Variants in SH3TC1 observed in about 807,000 individuals in gnomAD.
SH3TC1 encodes the protein SH3 domain and tetratricopeptide repeats 1.
A neutral mutation model predicts 117.3 loss-of-function variants in SH3TC1; 135 were observed. That is an observed-to-expected ratio of 1.15 (90% CI 1.00 to 1.33). The LOEUF (loss-of-function observed/expected upper bound fraction) is 1.33. Among genes scored for constraint, SH3TC1 ranks in the 40% most tolerant of loss-of-function variants. The pLI is 0.00. For synonymous variants in SH3TC1, 898 were observed against 816.9 expected, an observed-to-expected ratio of 1.10 and a Z score of -1.69; for missense variants, 2,092 against 1,794.3, an observed-to-expected ratio of 1.17 and a Z score of -3.00.
chr4:8,215,947 C>T (rs1719223881), intron 5 of SH3TC1, among the ~76,000 whole-genome samples, 164 bp from the exon 6 acceptor site: 1 of 152,084 alleles, frequency 6.6e-6, no homozygotes, highest in Non-Finnish European at 1.5e-5. Context: ...CCGTGGGCTG[C>T]TGTGTGTAGC....
At chr4:8,197,172 G>A (rs1353697555), upstream of SH3TC1, among the ~76,000 whole-genome samples, 1 of 152,144 alleles carries the variant, frequency 6.6e-6, no homozygotes, top group African/African-American at 2.4e-5. Context: ...GGAGACAAGG[G>A]CAAAGACTGG....
chr4:8,237,186 G>T (rs1721897690), intron 16 of SH3TC1: 1 of 371,282 alleles, frequency 2.7e-6, no homozygotes, highest in Non-Finnish European at 4.8e-6. Context: ...TGGGCTGCAT[G>T]CCTTTTGGGC....
Position 8,222,882 on chromosome 4 carries a change from C to A in SH3TC1, c.1155C>A (p.Phe385Leu), listed in dbSNP as rs1366737599. The A allele has an allele frequency of 1.2e-6, 2 of 1,613,632 alleles. No individual in the cohort carries two copies. The highest frequency in any genetic ancestry group is 1.3e-5 in the African/African-American group (1 of 74,916). ...AIFLNEEEKS[F>L]FSEGCFSEED... ...TTCTCAATGAGGAAGAAAAGTCATTCTTCAGCGAGGGCTGCTTTTCTGAGG... is the reference window on the plus strand; with the variant it reads ...TTCTCAATGAGGAAGAAAAGTCATTATTCAGCGAGGGCTGCTTTTCTGAGG... Residue 385 changes from phenylalanine (F) to leucine (L), a missense_variant, in exon 10 of 18, where the codon TTC becomes TTA. Coordinates refer to ENST00000245105, the MANE Select transcript of SH3TC1 (RefSeq NM_018986.5).
At chr4:8,235,411 G>A (rs766949362) in intron 14 of SH3TC1, 22 bp from the exon 15 acceptor site, 12 of 1,470,418 alleles carry the variant, frequency 8.2e-6, no homozygotes, top group African/African-American at 2.8e-5. Flanking sequence ...TGGGTCTTGA[G>A]GGAACTTCTG....
chr4:8,216,404 G>A (rs1719278585), intron 6 of SH3TC1, 147 bp downstream of exon 6: 1 of 1,285,044 alleles, frequency 7.8e-7, no homozygotes, highest in African/African-American at 1.5e-5. Flanking sequence ...TTCAGGCAGG[G>A]AGGTGTGCTT....
chr4:8,218,082 G>A (rs569752266), intron 7 of SH3TC1, among the ~76,000 whole-genome samples, 189 bp from the exon 8 acceptor site: 53 of 152,262 alleles, frequency 3.5e-4, no homozygotes, highest in Admixed American at 2.9e-3. Flanking sequence ...AGTGCCACAC[G>A]CACGGGGCCT....
chr4:8,211,258 G>A (rs1407043825), intron 3 of SH3TC1, among the ~76,000 whole-genome samples: 1 of 18,874 alleles, frequency 5.3e-5, no homozygotes, highest in African/African-American at 2.5e-4. Flanking sequence ...TCTCCCCACC[G>A]TCCTGTTTTC....
chr4:8,214,284 G>T (rs1719016011), intron 4 of SH3TC1, among the ~76,000 whole-genome samples, 191 bp from the exon 5 acceptor site: 1 of 152,184 alleles, frequency 6.6e-6, no homozygotes, highest in South Asian at 2.1e-4. Context: ...CTCCCCACAG[G>T]CTCTGGGGAG....
Position 8,190,564 on chromosome 4 carries a change from C to T in SH3TC1, c.-57+8354C>T, listed in dbSNP as rs1253358891. ...GTGCCCTCATCTGGGACCTTCTCCT[C>T]TGTGCACTCTCTCGGTCACCCACAC... On this transcript the variant is annotated intron_variant, in intron 1 of 16. Coordinates refer to the SH3TC1 transcript ENST00000508641. This position sits in a 1 kb window ranked among gnomAD's most constrained non-coding sequence, Gnocchi z 4.7. 6.6e-6 allele frequency among the ~76,000 whole-genome samples: 1 copy of T among 152,160 alleles called. No homozygotes were observed. The highest frequency in any genetic ancestry group is 6.5e-5 in the Admixed American group (1 of 15,286).
intron 17 of SH3TC1, among the ~76,000 whole-genome samples, chr4:8,240,041 G>C (rs776247443): frequency 6.6e-6 from 1 of 152,224 alleles, no homozygotes; most frequent in Non-Finnish European, 1.5e-5. Flanking sequence ...GGCCAAGCTT[G>C]GGTCTTAGAG....
rs746413940 is a variant in SH3TC1 at position 8,240,890 on chromosome 4, G to T, written c.3946G>T (p.Val1316Phe). 11 of 1,613,120 alleles carry T rather than the reference G, an allele frequency of 6.8e-6. No individual in the cohort carries two copies. Among genetic ancestry groups the T allele is most frequent in the Non-Finnish European group, 9.3e-6 (11 of 1,180,040 alleles). ...TFATELNVRR[V>F]NLPPLPLCGW... ...CGCCACAGAGCTCAACGTCCGCAGG[G>T]TCAACCTGCCTCCTCTGCCACTCTG... is the stretch of plus-strand genomic sequence containing the variant. Residue 1316 changes from valine to phenylalanine, a missense_variant, in exon 18 of 18, where the codon GTC (valine) becomes TTC (phenylalanine). Transcript: ENST00000245105.
rs562303328 is a variant in SH3TC1 at position 8,206,309 on chromosome 4, G to T, written c.172+943G>T. Among the ~76,000 whole-genome samples the T allele has an allele frequency of 1.6e-4, 25 of 152,154 alleles. 1 individual carries two copies. In the South Asian group the frequency reaches 5.2e-3, roughly 32 times the overall value. ...CCTGGGCAGGAAGGGCGGCTCAGAG[G>T]TTTGGGGTGGGGCCTGGGCCTGGGG... On this transcript the variant is annotated intron_variant, in intron 2 of 17. Coordinates refer to ENST00000245105, the MANE Select transcript of SH3TC1 (RefSeq NM_018986.5). The surrounding 1 kb of genome is among the most constrained non-coding windows in gnomAD (Gnocchi z 5.5).
chr4:8,219,403 G>A lies in SH3TC1; in HGVS notation c.985G>A (p.Gly329Ser). The change falls in exon 9 of 18, where the codon GGC (glycine) becomes AGC (serine). Residue 329 changes from glycine (G) to serine (S), a missense_variant. Physicochemically the swap from Gly to Ser is moderately conservative, Grantham distance 56. Transcript: ENST00000245105. ...GCCCGAAGAGATGACCTTCCGAGGTGGCGACCTCATCGAGATCCTTGGGGC... is the reference window on the plus strand; with the variant it reads ...GCCCGAAGAGATGACCTTCCGAGGTAGCGACCTCATCGAGATCCTTGGGGC... The part of the protein sequence containing the change: ...SGPEEMTFRG[G>S]DLIEILGAQV... The A allele has an allele frequency of 6.2e-7, 1 of 1,611,364 alleles. No homozygotes were observed. Among genetic ancestry groups the A allele is most frequent in the Non-Finnish European group, 8.5e-7 (1 of 1,178,652 alleles).
intron 11 of SH3TC1, 115 bp from the exon 12 acceptor site, chr4:8,226,865 T>C: frequency 1.5e-6 from 1 of 679,102 alleles, no homozygotes; most frequent in South Asian, 3.2e-5. Context: ...GGTGGTATCG[T>C]CTGGAAAGTG....
chr4:8,236,682 T>G, intron 16 of SH3TC1: 1 of 422,514 alleles, frequency 2.4e-6, no homozygotes, highest in Non-Finnish European at 4.2e-6. Context: ...GGCTGCCCAG[T>G]GTGCCCTCTG....
In SH3TC1 at chr4:8,227,215, C is replaced by A; in HGVS notation, c.1521C>A (p.Asn507Lys). ...EALSSLLLFLNAPGYKASFRG... is the reference protein window; with the variant it reads ...EALSSLLLFLKAPGYKASFRG... The stretch of plus-strand genomic sequence containing the variant: ...TGAGCTCACTGCTGCTGTTCCTGAA[C>A]GCCCCTGGGTACAAGGCCAGCTTCC... The change falls in exon 12 of 18, where the codon AAC becomes AAA. Residue 507 changes from asparagine (N) to lysine (K), a missense_variant. Coordinates refer to ENST00000245105, the MANE Select transcript of SH3TC1 (RefSeq NM_018986.5). 1 of 1,563,854 alleles carries A rather than the reference C, an allele frequency of 6.4e-7. No homozygotes were observed. The highest frequency in any genetic ancestry group is 1.2e-5 in the South Asian group (1 of 86,048).
intron 12 of SH3TC1, among the ~76,000 whole-genome samples, chr4:8,230,014 C>G (rs537183980): frequency 7.0e-6 from 1 of 143,488 alleles, no homozygotes; most frequent in South Asian, 2.1e-4. Context: ...TCGAGGAGAC[C>G]GGGGGCCAGG....
intron 5 of SH3TC1, chr4:8,215,043 A>G: frequency 2.3e-6 from 1 of 434,780 alleles, no homozygotes; most frequent in Non-Finnish European, 4.7e-6. Flanking sequence ...TGGTGTGCGC[A>G]CCTGGTGCTC....
At chr4:8,214,928 C>T (rs1025085990) in intron 5 of SH3TC1, among the ~76,000 whole-genome samples, 1 of 152,174 alleles carries the variant, frequency 6.6e-6, no homozygotes, top group African/African-American at 2.4e-5. Flanking sequence ...TCAGGTGATC[C>T]GCCCGCCTTG....
Sources: allele counts gnomAD v4.1 joint callset (sites outside exome capture counted in the v4.1 genomes callset), GRCh38; gene constraint gnomAD v4.1.1; non-coding constraint Gnocchi (gnomAD v3.1); transcripts MANE v1.5; gene names NCBI Gene and HGNC (gene_info 2026-07-23, HGNC 2026-07-21).